Variants in FANCC observed in about 807,000 individuals in gnomAD.
FANCC encodes FA complementation group C.
FANCC carries 55 observed loss-of-function variants against 71.3 expected under a neutral mutation model. The observed-to-expected ratio is 0.77, with a 90% CI of 0.62 to 0.97. FANCC has a LOEUF of 0.97. Among genes scored for constraint, FANCC ranks in the 50% least tolerant of loss-of-function variants. The probability of loss-of-function intolerance (pLI) is 0.00; values close to 1 mark genes in which losing one functional copy is unlikely to be tolerated. For missense variants in FANCC, 678 were observed against 670.9 expected (o/e 1.01, Z -0.12); for synonymous variants, 275 against 244.9 (o/e 1.12, Z -1.15).
At chr9:95,179,904 C>G (rs1279862172) in intron 4 of FANCC, among the ~76,000 whole-genome samples, 1 of 152,110 alleles carries the variant, frequency 6.6e-6, no homozygotes, top group Admixed American at 6.5e-5. Flanking sequence ...AAACACTTGT[C>G]TAAAAAGACA....
intron 4 of FANCC, among the ~76,000 whole-genome samples, chr9:95,181,852 T>G (rs1318216019): frequency 2.6e-5 from 4 of 152,194 alleles, no homozygotes; most frequent in Non-Finnish European, 5.9e-5. Context: ...ATCATGCGAG[T>G]GAACTTTCCT....
chr9:95,223,068 T>C (rs1257575796), intron 4 of FANCC, among the ~76,000 whole-genome samples: 1 of 152,252 alleles, frequency 6.6e-6, no homozygotes, highest in Admixed American at 6.5e-5. Flanking sequence ...ATTTCAACAC[T>C]GCTTTGGATA....
At chr9:95,115,895 C>T (rs758956216) in intron 11 of FANCC, among the ~76,000 whole-genome samples, 4 of 152,202 alleles carry the variant, frequency 2.6e-5, no homozygotes, top group Non-Finnish European at 4.4e-5. Flanking sequence ...ACCCCTCTCC[C>T]GGCCTTCACA....
chr9:95,127,793 C>T (rs1235980860), intron 8 of FANCC, among the ~76,000 whole-genome samples: 7 of 152,256 alleles, frequency 4.6e-5, no homozygotes, highest in Non-Finnish European at 1.0e-4. Context: ...CGCGGCCTCC[C>T]CGATGACATT....
chr9:95,138,739 C>A (rs1265005024), intron 7 of FANCC, among the ~76,000 whole-genome samples: 1 of 152,200 alleles, frequency 6.6e-6, no homozygotes, highest in Non-Finnish European at 1.5e-5. Context: ...TGCTGCAGCA[C>A]TCAGGCCAGG....
intron 13 of FANCC, chr9:95,110,740 T>C (rs1026619554): frequency 2.2e-5 from 24 of 1,095,844 alleles, no homozygotes; most frequent in Middle Eastern, 4.0e-4. Context: ...AAGATCAGCA[T>C]AGAGCACTGG....
intron 1 of FANCC, chr9:95,293,857 T>C: frequency 1.2e-6 from 2 of 1,610,896 alleles, no homozygotes; most frequent in African/African-American, 1.3e-5. Context: ...GATGACCATG[T>C]ACAGATGGAC....
At chr9:95,283,738 G>A (rs1208172706) in intron 1 of FANCC, among the ~76,000 whole-genome samples, 1 of 152,220 alleles carries the variant, frequency 6.6e-6, no homozygotes, top group East Asian at 1.9e-4. Context: ...CAAGCTGCCA[G>A]TAGGCATAAA....
chr9:95,166,632 A>G (rs1292698047), intron 6 of FANCC, among the ~76,000 whole-genome samples: 11 of 152,188 alleles, frequency 7.2e-5, no homozygotes, highest in Non-Finnish European at 1.0e-4. Context: ...ATGTACACTC[A>G]GCCCTCTATA....
rs1825785279 is a variant in FANCC at position 95,125,179 on chromosome 9, T to C, written c.903A>G (p.Ala301=). The C allele has an allele frequency of 1.2e-6, 2 of 1,613,662 alleles. No individual in the cohort carries two copies. Among genetic ancestry groups the C allele is most frequent in the East Asian group, 2.2e-5 (1 of 44,882 alleles). ...FRVVDEMFRC[A]LLETDGALEI... is the part of the protein sequence containing the mutation. ...CCAGGGCCCCATCGGTTTCCAGGAG[T>C]GCACACCTGAACAATGCAAAGTCAG... The change falls in exon 10 of 15, where the codon GCA becomes GCG. Residue 301 remains alanine, a synonymous_variant. Coordinates refer to ENST00000289081, the MANE Select transcript of FANCC (RefSeq NM_000136.3).
intron 14 of FANCC, among the ~76,000 whole-genome samples, chr9:95,102,703 A>G (rs1403791744): frequency 6.6e-6 from 1 of 152,202 alleles, no homozygotes; most frequent in Non-Finnish European, 1.5e-5. Flanking sequence ...TTCTGGTTTT[A>G]CTGCCTCAGG....
At chr9:95,143,019 G>A (rs1396575621) in intron 7 of FANCC, among the ~76,000 whole-genome samples, 2 of 152,208 alleles carry the variant, frequency 1.3e-5, no homozygotes, top group African/African-American at 4.8e-5. Context: ...GCCAATCACA[G>A]GTCTAGGCCT....
At chr9:95,161,137 C>T (rs1438444364) in intron 6 of FANCC, among the ~76,000 whole-genome samples, 1 of 152,096 alleles carries the variant, frequency 6.6e-6, no homozygotes, top group Admixed American at 6.5e-5. Context: ...ATAAGAGTTA[C>T]TTTGGGGATG....
intron 1 of FANCC, among the ~76,000 whole-genome samples, chr9:95,275,899 A>C (rs761582044): frequency 2.6e-5 from 4 of 152,198 alleles, no homozygotes; most frequent in Non-Finnish European, 5.9e-5. Context: ...CACTCTGAGC[A>C]TAAGGATCAT....
At chr9:95,137,948 G>A (rs1827962183) in intron 7 of FANCC, among the ~76,000 whole-genome samples, 1 of 152,276 alleles carries the variant, frequency 6.6e-6, no homozygotes, top group African/African-American at 2.4e-5. Context: ...CAGGACTTCA[G>A]AGGACTGGCG....
Position 95,249,303 on chromosome 9 carries a change from C to A in FANCC, c.-12G>T. On this transcript the variant is annotated 5_prime_UTR_variant, in exon 2 of 15. Coordinates refer to ENST00000289081, the MANE Select transcript of FANCC (RefSeq NM_000136.3). ...GAATCTTGAGCCATCTTGGAAAAAG[C>A]GAAAAGGTGATGTCCCTTCACAGCA... 4 of 1,613,754 alleles carry A rather than the reference C, an allele frequency of 2.5e-6. No individual in the cohort carries two copies. Among genetic ancestry groups the A allele is most frequent in the Non-Finnish European group, 3.4e-6 (4 of 1,179,902 alleles).
At chr9:95,290,131 T>C (rs771847549) in intron 1 of FANCC, among the ~76,000 whole-genome samples, 13 of 152,170 alleles carry the variant, frequency 8.5e-5, no homozygotes, top group Admixed American at 2.0e-4. Context: ...GTCACTGGGT[T>C]CCAGAAGAGT....
At chr9:95,148,927 A>G (rs1829923832) in intron 7 of FANCC, among the ~76,000 whole-genome samples, 1 of 152,182 alleles carries the variant, frequency 6.6e-6, no homozygotes, top group African/African-American at 2.4e-5. Context: ...CGCCTTTCCC[A>G]ATTACTATCT....
chr9:95,290,710 G>A (rs1323009343), intron 1 of FANCC, among the ~76,000 whole-genome samples: 2 of 152,168 alleles, frequency 1.3e-5, no homozygotes, highest in African/African-American at 4.8e-5. Flanking sequence ...AGCAGACAGA[G>A]ATTATAAAAA....
Sources: allele counts gnomAD v4.1 joint callset (sites outside exome capture counted in the v4.1 genomes callset), GRCh38; gene constraint gnomAD v4.1.1; transcripts MANE v1.5; gene names NCBI Gene and HGNC (gene_info 2026-07-23, HGNC 2026-07-21).